STYXL1: variants seen among roughly 807,000 people sequenced by gnomAD.
STYXL1 encodes the protein serine/threonine/tyrosine-interacting-like protein 1.
STYXL1 carries 32 observed loss-of-function variants against 36.4 expected under a neutral mutation model. The observed-to-expected ratio is 0.88, with a 90% CI of 0.66 to 1.18. The LOEUF (loss-of-function observed/expected upper bound fraction) is 1.18. Among genes scored for constraint, STYXL1 ranks in the 50% most tolerant of loss-of-function variants. STYXL1 has a pLI of 0.00. For synonymous variants in STYXL1, 133 were observed against 144.1 expected, an observed-to-expected ratio of 0.92 and a Z score of 0.55; for missense variants, 354 against 394.1, an observed-to-expected ratio of 0.90 and a Z score of 0.86.
At chr7:76,036,404 GGA>G (rs1424972952) in intron 1 of STYXL1, among the ~76,000 whole-genome samples, 1 of 150,018 alleles carries the variant, frequency 6.7e-6, no homozygotes, top group African/African-American at 2.4e-5. Context: ...CCTGGTCCCT[GGA>G]GAGTTTAGCT....
At chr7:76,010,142 G>C (rs1554571794) in intron 5 of STYXL1, among the ~76,000 whole-genome samples, 1 of 152,178 alleles carries the variant, frequency 6.6e-6, no homozygotes, top group African/African-American at 2.4e-5. Flanking sequence ...TGCAAAGCCA[G>C]GGTGCTCCTC....
At chr7:76,018,225 C>T (rs1364089406) in intron 4 of STYXL1, among the ~76,000 whole-genome samples, 2 of 151,990 alleles carry the variant, frequency 1.3e-5, no homozygotes, top group African/African-American at 4.8e-5. Flanking sequence ...ATCAGCCACA[C>T]CCGTTTTTCC....
chr7:76,022,926 C>CA (rs1233717297), intron 3 of STYXL1, among the ~76,000 whole-genome samples: 2 of 151,256 alleles, frequency 1.3e-5, no homozygotes, highest in Admixed American at 1.3e-4. Flanking sequence ...GACTATGTCC[C>CA]AAAAAAACAA....
In STYXL1 at chr7:75,996,472, T is replaced by C. The variant is rs1295966792; in HGVS notation, c.938A>G (p.Tyr313Cys). 3 of 1,614,060 alleles carry C rather than the reference T, an allele frequency of 1.9e-6. No homozygotes were observed. The highest frequency in any genetic ancestry group is 2.2e-5 in the East Asian group (1 of 44,892). The change falls in exon 9 of 9, where the codon TAC (tyrosine) becomes TGC (cysteine). Residue 313 changes from tyrosine to cysteine, a missense_variant. Transcript: ENST00000359697. ...DSITNIMDPL[Y>C] The stretch of plus-strand genomic sequence containing the variant: ...TTCGGTGGGCCTCGGAGAAGATCAG[T>C]AGAGCGGATCCATGATGTTTGTGAT...
Position 76,047,837 on chromosome 7 carries a change from C to T in STYXL1, c.-180G>A, listed in dbSNP as rs1179585455. 1.7e-6 allele frequency: 2 copies of T among 1,185,436 alleles called. No individual in the cohort carries two copies. Among genetic ancestry groups the T allele is most frequent in the Non-Finnish European group, 2.2e-6 (2 of 915,506 alleles). The allele number at this position is 1,185,436 out of a possible 1,614,324, so 73.4% of individuals were successfully genotyped here. A position where few individuals can be genotyped will look rare whatever the true frequency, so the allele number is the denominator to read the frequency against. On this transcript the variant is annotated 5_prime_UTR_variant, in exon 1 of 9. Coordinates refer to ENST00000359697, the MANE Select transcript of STYXL1 (RefSeq NM_001317785.2). ...CTGGAAAAATGGCTCCTCTAAGGCGCTTCCAGCCTAAAGCCCGTCCTCTTC... is the reference window on the plus strand; with the variant it reads ...CTGGAAAAATGGCTCCTCTAAGGCGTTTCCAGCCTAAAGCCCGTCCTCTTC...
In STYXL1 at chr7:76,024,131, G is replaced by A. The variant is rs566467942; in HGVS notation, c.166-2139C>T. Among the ~76,000 whole-genome samples, 36 of 152,158 alleles carry A rather than the reference G, an allele frequency of 2.4e-4. 1 individual carries two copies. The South Asian group carries it at 6.0e-3, about 25-fold the overall frequency. ...GAGCTCAAGCAAACTCCCCACCTCG[G>A]CCTCCCAAAGTGTTGGGATTACAGA... On this transcript the variant is annotated intron_variant, in intron 3 of 8. Transcript: ENST00000359697.
chr7:76,003,286 A>G (rs1233892375), intron 7 of STYXL1, among the ~76,000 whole-genome samples: 5 of 152,234 alleles, frequency 3.3e-5, no homozygotes, highest in Non-Finnish European at 7.3e-5. Context: ...CCAACCAACA[A>G]ACAAAAACAA....
At chr7:75,997,252 C>T (rs1790243489) in intron 8 of STYXL1, among the ~76,000 whole-genome samples, 5 of 151,990 alleles carry the variant, frequency 3.3e-5, no homozygotes, top group Admixed American at 3.3e-4. Context: ...GCCAATGTGG[C>T]GAAACCCTGT....
intron 4 of STYXL1, among the ~76,000 whole-genome samples, chr7:76,018,228 G>A (rs1407936572): frequency 5.3e-5 from 8 of 151,818 alleles, no homozygotes; most frequent in East Asian, 1.9e-4. Flanking sequence ...AGCCACACCC[G>A]TTTTTCCCCA....
At chr7:76,047,533 A>G (rs1797293120) in intron 1 of STYXL1, 129 bp downstream of exon 1, 1 of 154,052 alleles carries the variant, frequency 6.5e-6, no homozygotes, top group Non-Finnish European at 1.5e-5. Context: ...GGAGGTCGCC[A>G]TTATCAGCAG....
chr7:76,006,354 C>G (rs191467381), intron 5 of STYXL1, among the ~76,000 whole-genome samples: 24 of 152,210 alleles, frequency 1.6e-4, no homozygotes, highest in African/African-American at 5.3e-4. Flanking sequence ...TTGGGATACA[C>G]ATGTGAGCCA....
chr7:76,016,073 C>CAT (rs1406739815), intron 4 of STYXL1, among the ~76,000 whole-genome samples: 1 of 151,956 alleles, frequency 6.6e-6, no homozygotes, highest in Admixed American at 6.6e-5. Flanking sequence ...AACAAACTCC[C>CAT]ATATATATAG....
At chr7:76,041,907 C>A (rs4728552) in intron 1 of STYXL1, among the ~76,000 whole-genome samples, 150,198 of 152,352 alleles carry the variant, frequency 0.99, 74,064 homozygotes, top group Middle Eastern at 1. Flanking sequence ...AATGTTTTAT[C>A]GTTTGTTTTG....
chr7:76,006,751 G>A (rs1791815190), intron 5 of STYXL1, among the ~76,000 whole-genome samples: 2 of 131,132 alleles, frequency 1.5e-5, no homozygotes, highest in East Asian at 4.6e-4. Flanking sequence ...GCGACAGAAT[G>A]AGACTCCGTC....
chr7:76,033,112 T>C (rs145355391), intron 1 of STYXL1, among the ~76,000 whole-genome samples: 10 of 152,120 alleles, frequency 6.6e-5, no homozygotes, highest in Non-Finnish European at 8.8e-5. Context: ...TCTGGAAGGG[T>C]CAGGCCTGTG....
At chr7:76,019,932 A>C (rs1227498608) in intron 4 of STYXL1, among the ~76,000 whole-genome samples, 1 of 151,270 alleles carries the variant, frequency 6.6e-6, no homozygotes, top group Non-Finnish European at 1.5e-5. Context: ...TGACTCAAAA[A>C]AAAAAAAAAA....
At chr7:76,012,771 A>G (rs2115760736) in intron 5 of STYXL1, among the ~76,000 whole-genome samples, 1 of 152,174 alleles carries the variant, frequency 6.6e-6, no homozygotes, top group African/African-American at 2.4e-5. Flanking sequence ...AGCTAAAGCA[A>G]TCCTCCTGCC....
At chr7:76,006,343 G>C (rs1400939749) in intron 5 of STYXL1, among the ~76,000 whole-genome samples, 1 of 152,126 alleles carries the variant, frequency 6.6e-6, no homozygotes, top group Non-Finnish European at 1.5e-5. Flanking sequence ...CTCCCAAAGT[G>C]TTGGGATACA....
chr7:76,042,390 C>CCTTTTT (rs1796552134), intron 1 of STYXL1, among the ~76,000 whole-genome samples: 1 of 41,816 alleles, frequency 2.4e-5, no homozygotes, highest in African/African-American at 6.3e-5. Flanking sequence ...CCCTTATGTG[C>CCTTTTT]TTTTTTTTTT....
Sources: gnomAD v4.1 joint callset for allele counts (sites outside exome capture counted in the v4.1 genomes callset) on GRCh38, gnomAD v4.1.1 for gene constraint, MANE v1.5 for transcripts, NCBI Gene and HGNC (gene_info 2026-07-23, HGNC 2026-07-21) for gene names.